USH2A: variants seen among roughly 807,000 people sequenced by gnomAD.
The protein encoded by USH2A is usherin, also known as Usher syndrome 2A (autosomal recessive, mild).
In USH2A, 443 loss-of-function variants were observed where a neutral mutation model predicts 538.9. The ratio of observed to expected loss-of-function variants is 0.82; its 90% confidence interval spans 0.76 to 0.89. The LOEUF (loss-of-function observed/expected upper bound fraction) is 0.89. Among genes scored for constraint, USH2A ranks in the 40% least tolerant of loss-of-function variants. The pLI is 0.00. For synonymous variants in USH2A, 2,413 were observed against 2,273.5 expected (o/e 1.06, Z -1.75); for missense variants, 6,633 against 6,324.8 (o/e 1.05, Z -1.65).
chr1:216,281,205 T>C (rs1264892242), intron 11 of USH2A, among the ~76,000 whole-genome samples: 1 of 151,442 alleles, frequency 6.6e-6, no homozygotes. Context: ...ATAAACAATG[T>C]GGGGGTTTAA....
intron 20 of USH2A, among the ~76,000 whole-genome samples, chr1:216,178,783 C>T (rs2034439113): frequency 6.6e-6 from 1 of 152,034 alleles, no homozygotes; most frequent in African/African-American, 2.4e-5. Flanking sequence ...TATAATAAGA[C>T]TATTGAGCAC....
Position 216,175,445 on chromosome 1 carries a change from G to C in USH2A, c.4434C>G (p.Ile1478Met). The change falls in exon 21 of 72, where the codon ATC (isoleucine) becomes ATG (methionine). Residue 1478 changes from isoleucine to methionine, a missense_variant. Transcript: ENST00000307340. Reference protein sequence around the residue: ...AQLRPPLVKGINSTTIHLRWF... With the variant: ...AQLRPPLVKGMNSTTIHLRWF... ...ACCTAAGATGGATTGTTGTGCTGTT[G>C]ATTCCTTTAACCAGAGGTGGCCTCA... The C allele has an allele frequency of 1.9e-6, 3 of 1,613,808 alleles. No individual in the cohort carries two copies. Among genetic ancestry groups the C allele is most frequent in the South Asian group, 1.1e-5 (1 of 91,066 alleles).
chr1:215,646,159 G>T (rs1571927548), intron 67 of USH2A, among the ~76,000 whole-genome samples: 1 of 152,128 alleles, frequency 6.6e-6, no homozygotes, highest in East Asian at 1.9e-4. Context: ...TTGCCTCTGG[G>T]TTGGGGTATA....
chr1:215,952,475 C>T (rs1300206705), intron 37 of USH2A, among the ~76,000 whole-genome samples: 5 of 152,140 alleles, frequency 3.3e-5, no homozygotes, highest in Admixed American at 6.5e-5. Context: ...TTCCTAGCCT[C>T]GATGGTCTTT....
At chr1:216,162,733 C>T (rs551322189) in intron 21 of USH2A, among the ~76,000 whole-genome samples, 9 of 152,122 alleles carry the variant, frequency 5.9e-5, no homozygotes, top group Non-Finnish European at 1.2e-4. Flanking sequence ...CGAGTGAAAG[C>T]TCAGAGTATT....
intron 30 of USH2A, among the ~76,000 whole-genome samples, chr1:216,061,442 T>A (rs2031178444): frequency 6.6e-6 from 1 of 152,212 alleles, no homozygotes; most frequent in Non-Finnish European, 1.5e-5. Flanking sequence ...TTTCCTAACA[T>A]TTTTGAGTTT....
At chr1:215,807,101 T>C (rs1281104302) in intron 49 of USH2A, among the ~76,000 whole-genome samples, 1 of 151,992 alleles carries the variant, frequency 6.6e-6, no homozygotes, top group Non-Finnish European at 1.5e-5. Flanking sequence ...AGTTTAATAA[T>C]ATGAAGTGAG....
chr1:216,148,417 T>C (rs533297950), intron 21 of USH2A, among the ~76,000 whole-genome samples: 65 of 152,096 alleles, frequency 4.3e-4, no homozygotes, highest in African/African-American at 1.4e-3. Flanking sequence ...ATCCTCCTCT[T>C]CTATCCCCCC....
rs181666063 is a variant in USH2A, at chr1:215,650,521, T to C, written c.14343+71A>G. The C allele has an allele frequency of 5.7e-4, 912 of 1,586,826 alleles. 5 individuals are homozygous for C. The African/African-American group carries it at 0.011, about 20-fold the overall frequency. On this transcript the variant is annotated intron_variant, in intron 65 of 71. Transcript: ENST00000307340. ...AAAGATGGAGGGAAAAACAAAAACA[T>C]AAAAACAAAGGTTTCATAGTAATGA...
chr1:215,752,418 T>A (rs1047646056), intron 58 of USH2A, among the ~76,000 whole-genome samples: 3 of 152,264 alleles, frequency 2.0e-5, no homozygotes, highest in East Asian at 3.9e-4. Context: ...TAAGGTAAAG[T>A]GGATGAAGGT....
intron 56 of USH2A, among the ~76,000 whole-genome samples, chr1:215,762,168 G>C (rs972596139): frequency 6.6e-6 from 1 of 152,126 alleles, no homozygotes; most frequent in East Asian, 1.9e-4. Flanking sequence ...GTACACATTT[G>C]TATGTGGGTT....
intron 32 of USH2A, among the ~76,000 whole-genome samples, chr1:216,023,729 A>G (rs894107908): frequency 6.6e-6 from 1 of 152,080 alleles, no homozygotes; most frequent in Non-Finnish European, 1.5e-5. Flanking sequence ...AGTCATTTAA[A>G]AACAGTACCT....
intron 4 of USH2A, among the ~76,000 whole-genome samples, chr1:216,338,202 G>C (rs1034760589): frequency 6.6e-6 from 1 of 151,310 alleles, no homozygotes; most frequent in Non-Finnish European, 1.5e-5. Context: ...GCTGAAGAAG[G>C]CTGGTAAGAA....
In USH2A at chr1:216,355,462, G is replaced by T. The variant is rs371603070; in HGVS notation, c.784+9491C>A. On this transcript the variant is annotated intron_variant, in intron 4 of 71. Transcript: ENST00000307340. ...AGAAACAATGAAGGCAAGAAGACAA[G>T]GAAACAACATCTTTAAAGTTCTAAA... Among the ~76,000 whole-genome samples the T allele has an allele frequency of 1.2e-3, 184 of 152,160 alleles. 1 individual carries two copies. The highest frequency in any genetic ancestry group is 4.1e-3 in the African/African-American group (171 of 41,496).
chr1:215,773,212 G>A (rs1354256087), intron 55 of USH2A, among the ~76,000 whole-genome samples: 1 of 152,100 alleles, frequency 6.6e-6, no homozygotes, highest in Non-Finnish European at 1.5e-5. Context: ...AGGAACTAAG[G>A]ACTGTACATG....
chr1:216,280,462 T>C (rs1310585295), intron 11 of USH2A, among the ~76,000 whole-genome samples: 4 of 152,118 alleles, frequency 2.6e-5, no homozygotes, highest in Admixed American at 6.5e-5. Context: ...AATTGTATCC[T>C]ACTCAATTTA....
intron 35 of USH2A, among the ~76,000 whole-genome samples, chr1:215,978,083 C>T (rs559310164): frequency 1.3e-5 from 2 of 152,246 alleles, no homozygotes; most frequent in South Asian, 4.1e-4. Context: ...GCCATGATTG[C>T]ACCACTGCAC....
chr1:215,861,584 C>A (rs1182523356), intron 44 of USH2A, among the ~76,000 whole-genome samples: 2 of 152,164 alleles, frequency 1.3e-5, no homozygotes, highest in African/African-American at 4.8e-5. Context: ...AGAACATGAT[C>A]ATGTCCTCAT....
chr1:215,951,924 G>T (rs1666928608), intron 37 of USH2A, among the ~76,000 whole-genome samples: 1 of 151,390 alleles, frequency 6.6e-6, no homozygotes, highest in East Asian at 1.9e-4. Context: ...GACTGCAGTG[G>T]CGCAATCTCG....
Sources: gnomAD v4.1 joint callset for allele counts (sites outside exome capture counted in the v4.1 genomes callset) on GRCh38, gnomAD v4.1.1 for gene constraint, MANE v1.5 for transcripts, NCBI Gene and HGNC (gene_info 2026-07-23, HGNC 2026-07-21) for gene names.